Variants in TRAF3IP1 observed in about 807,000 individuals in gnomAD.
TRAF3IP1 encodes the protein TRAF3-interacting protein 1.
TRAF3IP1 carries 53 observed loss-of-function variants against 89.9 expected under a neutral mutation model. The ratio of observed to expected loss-of-function variants is 0.59; its 90% CI spans 0.47 to 0.74. The LOEUF (loss-of-function observed/expected upper bound fraction) is 0.74, where lower values mean the gene tolerates loss of function less well. Ranked by LOEUF, TRAF3IP1 falls within the 30% of genes least tolerant of loss-of-function variation. The probability of loss-of-function intolerance (pLI) is 0.00; values close to 1 mark genes in which losing one functional copy is unlikely to be tolerated. For synonymous variants in TRAF3IP1, 311 were observed against 322.1 expected, an observed-to-expected ratio of 0.97 and a Z score of 0.37; for missense variants, 806 against 866.1, an observed-to-expected ratio of 0.93 and a Z score of 0.87.
chr2:238,384,337 GATGTATGTATGT>G (rs61001806), intron 15 of TRAF3IP1, among the ~76,000 whole-genome samples: 60 of 139,728 alleles, frequency 4.3e-4, no homozygotes, highest in Admixed American at 1.1e-3. Context: ...GAATCAACCT[GATGTATGTATGT>G]ATGTATGTAT....
chr2:238,389,719 G>T (rs1700916282), intron 15 of TRAF3IP1, among the ~76,000 whole-genome samples: 1 of 150,518 alleles, frequency 6.6e-6, no homozygotes, highest in African/African-American at 2.4e-5. Context: ...CTGTACTCCA[G>T]CCTGGGTGAC....
At chr2:238,385,532 G>A (rs1192303709) in intron 15 of TRAF3IP1, among the ~76,000 whole-genome samples, 3 of 152,172 alleles carry the variant, frequency 2.0e-5, no homozygotes, top group Non-Finnish European at 4.4e-5. Flanking sequence ...AGTCAACATC[G>A]TATGTAATAG....
intron 1 of TRAF3IP1, 156 bp downstream of exon 1, chr2:238,320,941 G>C (rs1435959514): frequency 2.7e-5 from 14 of 528,096 alleles, no homozygotes; most frequent in Middle Eastern, 6.7e-4. Context: ...CCCGGGCCGG[G>C]TGTGAACCGG....
chr2:238,340,743 A>G (rs1698601592), intron 8 of TRAF3IP1, among the ~76,000 whole-genome samples: 1 of 152,042 alleles, frequency 6.6e-6, no homozygotes, highest in South Asian at 2.1e-4. Flanking sequence ...TAGTACAACT[A>G]GTGCCCATAT....
At chr2:238,346,619 G>T (rs1307972043) in intron 9 of TRAF3IP1, among the ~76,000 whole-genome samples, 1 of 152,182 alleles carries the variant, frequency 6.6e-6, no homozygotes, top group African/African-American at 2.4e-5. Context: ...ACTCTGCTCG[G>T]TGTGGACCCT....
rs1471159127 is a variant in TRAF3IP1 at position 238,399,629 on chromosome 2, C to T, written c.*710C>T. 1 of 152,156 alleles carries T rather than the reference C, an allele frequency of 6.6e-6. No individual in the cohort carries two copies. The highest frequency in any genetic ancestry group is 1.5e-5 in the Non-Finnish European group (1 of 68,044). The allele number at this position is 152,156 out of a possible 1,614,324, so 9.4% of individuals were successfully genotyped here. On this transcript the variant is annotated 3_prime_UTR_variant, in exon 17 of 17. Transcript: ENST00000373327. ...TGGACGTTGTCTGGACATACATCCT[C>T]ACTTTCTTCCGCAGTTTACCCTGGT... is the stretch of plus-strand genomic sequence containing the variant.
intron 3 of TRAF3IP1, among the ~76,000 whole-genome samples, chr2:238,326,845 C>T (rs1697860117): frequency 6.6e-6 from 1 of 152,008 alleles, no homozygotes; most frequent in Non-Finnish European, 1.5e-5. Context: ...CCTAGGAGGC[C>T]CCCCCAGTGC....
chr2:238,356,248 G>A (rs1310442242), intron 15 of TRAF3IP1, among the ~76,000 whole-genome samples, 168 bp downstream of exon 15: 3 of 152,194 alleles, frequency 2.0e-5, no homozygotes, highest in Non-Finnish European at 4.4e-5. Flanking sequence ...TGCAATCCCA[G>A]CACCTTGGGA....
At chr2:238,360,045 A>G (rs1220509690) in intron 15 of TRAF3IP1, among the ~76,000 whole-genome samples, 1 of 152,202 alleles carries the variant, frequency 6.6e-6, no homozygotes, top group Non-Finnish European at 1.5e-5. Context: ...GAGGGCTACT[A>G]AGTGACTAAC....
At chr2:238,395,114 C>T (rs1701152287) in intron 15 of TRAF3IP1, among the ~76,000 whole-genome samples, 1 of 152,056 alleles carries the variant, frequency 6.6e-6, no homozygotes, top group Non-Finnish European at 1.5e-5. Flanking sequence ...ATCTGTAATC[C>T]CAGCGCTTTG....
chr2:238,337,111 A>G (rs1698422334), intron 7 of TRAF3IP1, among the ~76,000 whole-genome samples: 1 of 152,124 alleles, frequency 6.6e-6, no homozygotes, highest in South Asian at 2.1e-4. Flanking sequence ...CCCTGAGTCA[A>G]TCACAGGCTT....
intron 11 of TRAF3IP1, 59 bp from the exon 12 acceptor site, chr2:238,349,266 A>T (rs1699037059): frequency 6.6e-7 from 1 of 1,514,346 alleles, no homozygotes; most frequent in East Asian, 2.3e-5. Context: ...TTTCTTTTCC[A>T]GTTTGAAATG....
Position 238,345,644 on chromosome 2 carries a change from C to G in TRAF3IP1, c.1261+1046C>G, listed in dbSNP as rs1698857505. Among the ~76,000 whole-genome samples the G allele has an allele frequency of 6.6e-6, 1 of 152,050 alleles. No homozygotes were observed. Among genetic ancestry groups the G allele is most frequent in the African/African-American group, 2.4e-5 (1 of 41,390 alleles). On this transcript the variant is annotated intron_variant, in intron 9 of 16. Coordinates refer to ENST00000373327, the MANE Select transcript of TRAF3IP1 (RefSeq NM_015650.4). This position sits in a 1 kb window ranked among gnomAD's most constrained non-coding sequence, Gnocchi z 4.7. ...AGATTGTGCAGAGAAGAGAGAGAGG[C>G]CTGGACTGTGGAGGCGCCCTGGGAG...
chr2:238,331,660 T>C (rs1421504466), intron 5 of TRAF3IP1, among the ~76,000 whole-genome samples: 1 of 152,010 alleles, frequency 6.6e-6, no homozygotes, highest in Non-Finnish European at 1.5e-5. Context: ...GTGGTTGTGC[T>C]TGCCAGGCTC....
intron 15 of TRAF3IP1, among the ~76,000 whole-genome samples, chr2:238,361,085 G>A (rs1699637388): frequency 7.0e-6 from 1 of 141,988 alleles, no homozygotes; most frequent in Non-Finnish European, 1.5e-5. Context: ...TGGCTCTGTT[G>A]CCCAGGCTGG....
intron 15 of TRAF3IP1, among the ~76,000 whole-genome samples, chr2:238,396,983 C>A (rs11682761): frequency 1.3e-5 from 2 of 152,060 alleles, no homozygotes; most frequent in Non-Finnish European, 2.9e-5. Context: ...TTTCTTTCCC[C>A]TTGCCCCCTG....
rs1376188342 is a variant in TRAF3IP1 at position 238,379,606 on chromosome 2, G to A, written c.1690-17853G>A. On this transcript the variant is annotated intron_variant, in intron 15 of 16. Transcript: ENST00000373327. This position sits in a 1 kb window ranked among gnomAD's most constrained non-coding sequence, Gnocchi z 4.0. ...TTCTGTGACACGTGTTTTCTGCCGA[G>A]GACCTCTGACCTCATGGCCACTTCC... Among the ~76,000 whole-genome samples, 1 of 152,192 alleles carries A rather than the reference G, an allele frequency of 6.6e-6. No homozygotes were observed. The highest frequency in any genetic ancestry group is 2.4e-5 in the African/African-American group (1 of 41,446).
At chr2:238,374,570 G>A (rs1305199870) in intron 15 of TRAF3IP1, among the ~76,000 whole-genome samples, 1 of 152,062 alleles carries the variant, frequency 6.6e-6, no homozygotes, top group Non-Finnish European at 1.5e-5. Flanking sequence ...TGTTCATCAC[G>A]GATATTGGTC....
intron 15 of TRAF3IP1, among the ~76,000 whole-genome samples, chr2:238,378,774 G>A (rs1041007561): frequency 2.0e-5 from 3 of 152,034 alleles, no homozygotes; most frequent in Non-Finnish European, 2.9e-5. Context: ...CACTTTCTTC[G>A]CAGTTTGATC....
Sources: gnomAD v4.1 joint callset for allele counts (sites outside exome capture counted in the v4.1 genomes callset) on GRCh38, gnomAD v4.1.1 for gene constraint, Gnocchi (gnomAD v3.1) non-coding constraint, MANE v1.5 for transcripts, NCBI Gene and HGNC (gene_info 2026-07-23, HGNC 2026-07-21) for gene names.